Variants in PALD1 observed in about 807,000 individuals in gnomAD.
PALD1 encodes paladin.
A neutral mutation model predicts 96.0 loss-of-function variants in PALD1; 57 were observed. The observed-to-expected ratio is 0.59, with a 90% CI of 0.48 to 0.74. The LOEUF (loss-of-function observed/expected upper bound fraction) is 0.74. PALD1 is among the 30% of genes least tolerant of loss of function. The probability of loss-of-function intolerance (pLI) is 0.00; values close to 1 mark genes in which losing one functional copy is unlikely to be tolerated. For synonymous variants in PALD1, 464 were observed against 473.6 expected (o/e 0.98, Z 0.26); for missense variants, 1,063 against 1,143.7 (o/e 0.93, Z 1.02).
In PALD1 at chr10:70,539,595, C is replaced by T. The variant is rs1307275058; in HGVS notation, c.1741C>T (p.Leu581=). Residue 581 remains leucine, a synonymous_variant, in exon 15 of 20, where the codon CTG becomes TTG. Coordinates refer to ENST00000263563, the MANE Select transcript of PALD1 (RefSeq NM_014431.3). This position sits in a 1 kb window ranked among gnomAD's most constrained non-coding sequence, Gnocchi z 4.5. ...CCTTGCCCAGACCCTGGAGGCCCAG[C>T]TGAAGGCCCATCTAAGCGAGCCTCC... ...PDQLETLEAQ[L]KAHLSEPPPG... 5 of 1,610,672 alleles carry T rather than the reference C, an allele frequency of 3.1e-6. No individual in the cohort carries two copies. The highest frequency in any genetic ancestry group is 1.3e-5 in the African/African-American group (1 of 74,908).
At chr10:70,521,506 A>G (rs1278094280) in intron 1 of PALD1, among the ~76,000 whole-genome samples, 5 of 152,034 alleles carry the variant, frequency 3.3e-5, no homozygotes, top group Non-Finnish European at 7.4e-5. Context: ...TGGGTGGGGA[A>G]TGTTCTTCCC....
At chr10:70,559,811 C>T (rs537527921) in intron 18 of PALD1, among the ~76,000 whole-genome samples, 2 of 152,190 alleles carry the variant, frequency 1.3e-5, no homozygotes, top group East Asian at 3.9e-4. Flanking sequence ...GCTGCCTGAC[C>T]CTTATCCATG....
In PALD1 at chr10:70,505,552, C is replaced by T. The variant is rs375893845; in HGVS notation, c.-29-20371C>T. Among the ~76,000 whole-genome samples the T allele has an allele frequency of 6.9e-4, 105 of 152,038 alleles. 1 individual carries two copies. The highest frequency in any genetic ancestry group is 2.3e-3 in the African/African-American group (95 of 41,452). On this transcript the variant is annotated intron_variant, in intron 1 of 19. Coordinates refer to ENST00000263563, the MANE Select transcript of PALD1 (RefSeq NM_014431.3). ...CCGGGAGGCGGAGGTTGCCGTGAGC[C>T]GAGATCACGTCATTGTACTCCAGCC... is the stretch of plus-strand genomic sequence containing the variant.
chr10:70,503,497 A>C (rs758186194), intron 1 of PALD1, among the ~76,000 whole-genome samples: 2 of 151,976 alleles, frequency 1.3e-5, no homozygotes, highest in Non-Finnish European at 2.9e-5. Flanking sequence ...TTAGCCGGGC[A>C]TGGTGGTGTG....
chr10:70,546,373 AAT>A (rs1847362768), intron 17 of PALD1, among the ~76,000 whole-genome samples: 2 of 152,244 alleles, frequency 1.3e-5, no homozygotes, highest in Non-Finnish European at 2.9e-5. Flanking sequence ...TCGTGCATTT[AAT>A]ATGTCTTGAA....
At chr10:70,492,871 T>C (rs1037813036) in intron 1 of PALD1, among the ~76,000 whole-genome samples, 1 of 152,230 alleles carries the variant, frequency 6.6e-6, no homozygotes, top group Non-Finnish European at 1.5e-5. Flanking sequence ...TATATCTCAA[T>C]TTTAAAATTT....
intron 18 of PALD1, among the ~76,000 whole-genome samples, chr10:70,558,668 A>T (rs1290043151): frequency 1.3e-5 from 2 of 150,666 alleles, no homozygotes; most frequent in African/African-American, 4.9e-5. Context: ...CACGGGGAGT[A>T]AGAAGAATTT....
At chr10:70,560,393 G>A (rs1016797785) in intron 18 of PALD1, among the ~76,000 whole-genome samples, 2 of 152,128 alleles carry the variant, frequency 1.3e-5, no homozygotes, top group African/African-American at 4.8e-5. Flanking sequence ...TGGGCAGGAT[G>A]CCTACTCTTT....
intron 19 of PALD1, among the ~76,000 whole-genome samples, chr10:70,565,394 G>A (rs1220700334): frequency 6.6e-6 from 1 of 152,208 alleles, no homozygotes; most frequent in Non-Finnish European, 1.5e-5. Flanking sequence ...CCTTGGCAAA[G>A]CGGCCTGTAA....
chr10:70,479,247 T>A (rs1845886761), intron 1 of PALD1, among the ~76,000 whole-genome samples, 188 bp downstream of exon 1: 1 of 152,162 alleles, frequency 6.6e-6, no homozygotes, highest in African/African-American at 2.4e-5. Context: ...AGGGAGCAGT[T>A]GCTGGGTGGT....
At chr10:70,470,548 A>C in the PALD1 span, among the ~76,000 whole-genome samples, 2 of 143,936 alleles carry the variant, frequency 1.4e-5, no homozygotes, top group Admixed American at 6.8e-5. Flanking sequence ...ATAATAAATA[A>C]TATTTTTATT....
chr10:70,512,597 CA>C (rs1846534985), intron 1 of PALD1, among the ~76,000 whole-genome samples: 1 of 152,246 alleles, frequency 6.6e-6, no homozygotes, highest in Non-Finnish European at 1.5e-5. Context: ...GGCCCGAGGG[CA>C]AGGGCCAAGC....
chr10:70,541,640 G>A (rs571985489), intron 17 of PALD1, 106 bp downstream of exon 17: 44 of 768,204 alleles, frequency 5.7e-5, no homozygotes, highest in South Asian at 5.2e-4. Context: ...ATGCAGTCAC[G>A]TCTGCCACCT....
At chr10:70,528,273 T>A (rs1193570259) in intron 2 of PALD1, among the ~76,000 whole-genome samples, 2 of 152,218 alleles carry the variant, frequency 1.3e-5, no homozygotes, top group Non-Finnish European at 2.9e-5. Context: ...AAATCTTGTT[T>A]GAGTGTTTGG....
At chr10:70,473,204 C>G in the PALD1 span, among the ~76,000 whole-genome samples, 1 of 152,232 alleles carries the variant, frequency 6.6e-6, no homozygotes, top group African/African-American at 2.4e-5. Flanking sequence ...TGCCACCAAT[C>G]GTGCTTCCCC....
chr10:70,468,346 C>T, the PALD1 span, among the ~76,000 whole-genome samples: 10 of 152,036 alleles, frequency 6.6e-5, no homozygotes, highest in African/African-American at 1.4e-4. Flanking sequence ...CGGGTTCAAA[C>T]GATTCTCCTG....
intron 1 of PALD1, among the ~76,000 whole-genome samples, chr10:70,482,561 G>A (rs1028842494): frequency 6.6e-6 from 1 of 152,190 alleles, no homozygotes; most frequent in African/African-American, 2.4e-5. Flanking sequence ...GGAAGCACTG[G>A]CCTTTATAAT....
intron 1 of PALD1, among the ~76,000 whole-genome samples, chr10:70,511,736 A>C (rs779072656): frequency 6.6e-5 from 10 of 152,146 alleles, no homozygotes; most frequent in Non-Finnish European, 1.2e-4. Context: ...CCAATTTTAA[A>C]AGGCATTGAG....
At chr10:70,520,691 T>TC (rs1846715376) in intron 1 of PALD1, among the ~76,000 whole-genome samples, 10 of 135,772 alleles carry the variant, frequency 7.4e-5, no homozygotes, top group Middle Eastern at 3.6e-3. Context: ...CTTTCTTTTT[T>TC]TTTTTTTTTT....
Sources: gnomAD v4.1 joint callset for allele counts (sites outside exome capture counted in the v4.1 genomes callset) on GRCh38, gnomAD v4.1.1 for gene constraint, Gnocchi (gnomAD v3.1) non-coding constraint, MANE v1.5 for transcripts, NCBI Gene and HGNC (gene_info 2026-07-23, HGNC 2026-07-21) for gene names.